Variants in NPIPB8 observed in about 807,000 individuals in gnomAD.
The protein encoded by NPIPB8 is nuclear pore complex-interacting protein family member B8.
Under a neutral mutation model 5.3 loss-of-function variants are expected in NPIPB8, and 3 were observed. The observed-to-expected ratio is 0.57, with a 90% CI of 0.26 to 1.47. The LOEUF is 1.47. NPIPB8 is among the 40% of genes most tolerant of loss of function. The pLI, the probability that NPIPB8 is intolerant of heterozygous loss-of-function variation, is 0.13. For synonymous variants in NPIPB8, 18 were observed against 23.0 expected, an observed-to-expected ratio of 0.78 and a Z score of 0.62; for missense variants, 50 against 50.2, an observed-to-expected ratio of 1.00 and a Z score of 0.01.
intron 2 of NPIPB8, among the ~76,000 whole-genome samples, 168 bp downstream of exon 2, chr16:28,638,648 T>A (rs527941577): frequency 6.6e-6 from 1 of 151,042 alleles, no homozygotes; most frequent in East Asian, 1.9e-4. Flanking sequence ...GGTAAAGTAG[T>A]TGACTTATTT....
At chr16:28,637,986 G>A (rs1054019232), upstream of NPIPB8, 40 of 858,358 alleles carry the variant, frequency 4.7e-5, no homozygotes, top group Non-Finnish European at 5.6e-5. Flanking sequence ...TTCAGGCACA[G>A]AACTGTATAT....
At chr16:28,641,411 G>A (rs2047894134) in intron 2 of NPIPB8, among the ~76,000 whole-genome samples, 1 of 144,442 alleles carries the variant, frequency 6.9e-6, no homozygotes, top group African/African-American at 2.5e-5. Context: ...TGCTCCAGTG[G>A]ATAACTCAGC....
intron 2 of NPIPB8, among the ~76,000 whole-genome samples, chr16:28,641,995 C>A (rs1334496625): frequency 6.7e-6 from 1 of 149,828 alleles, no homozygotes; most frequent in Admixed American, 6.7e-5. Flanking sequence ...CTCTAGCAAC[C>A]CTTCATGGAC....
chr16:28,638,505 G>C, intron 2 of NPIPB8, 25 bp downstream of exon 2: 2 of 1,541,442 alleles, frequency 1.3e-6, no homozygotes, highest in Non-Finnish European at 1.7e-6. Context: ...ACAAGATGGG[G>C]CCTGGTGCCC....
rs2151739409 is a variant in NPIPB8 at position 28,638,846 on chromosome 16, A to T, written c.120+366A>T. 2.0e-5 allele frequency among the ~76,000 whole-genome samples: 3 copies of T among 149,292 alleles called. No individual in the cohort carries two copies. In the South Asian group the frequency reaches 6.3e-4, roughly 31 times the overall value. On this transcript the variant is annotated intron_variant, in intron 2 of 7. Coordinates refer to ENST00000683297, the MANE Select transcript of NPIPB8 (RefSeq NM_001310136.2). The stretch of plus-strand genomic sequence containing the variant: ...CATTTTGGGAGGCTGAGGCTGGTGG[A>T]TCACCTGAGGCCAGGACTTCAAGAC...
chr16:28,639,093 A>C (rs2047845597), intron 2 of NPIPB8, among the ~76,000 whole-genome samples: 2 of 149,090 alleles, frequency 1.3e-5, no homozygotes, highest in Admixed American at 1.3e-4. Flanking sequence ...ATTATCCTGC[A>C]AAATTTGAAA....
upstream of NPIPB8, chr16:28,638,057 T>A (rs2047824011): frequency 2.9e-6 from 2 of 697,068 alleles, no homozygotes; most frequent in East Asian, 8.4e-5. Flanking sequence ...TTTAAATGAC[T>A]TGGATGTTTT....
intron 2 of NPIPB8, among the ~76,000 whole-genome samples, chr16:28,641,411 G>C (rs2047894134): frequency 6.9e-6 from 1 of 144,442 alleles, no homozygotes; most frequent in African/African-American, 2.5e-5. Context: ...TGCTCCAGTG[G>C]ATAACTCAGC....
At chr16:28,641,358 C>T (rs540124546) in intron 2 of NPIPB8, among the ~76,000 whole-genome samples, 46 of 149,406 alleles carry the variant, frequency 3.1e-4, no homozygotes, top group Admixed American at 2.8e-3. Flanking sequence ...ACACCTGCCA[C>T]CTCCGATGGA....
At chr16:28,642,472 T>C (rs2047917851) in intron 2 of NPIPB8, among the ~76,000 whole-genome samples, 1 of 150,488 alleles carries the variant, frequency 6.6e-6, no homozygotes, top group Non-Finnish European at 1.5e-5. Context: ...TAAACCCTGT[T>C]TTTTGTTTGT....
intron 5 of NPIPB8, among the ~76,000 whole-genome samples, 178 bp downstream of exon 5, chr16:28,652,542 A>T: frequency 1.1e-5 from 1 of 95,046 alleles, no homozygotes; most frequent in Non-Finnish European, 2.1e-5. Context: ...CCCTTCCTAC[A>T]TTCTTGTTTG....
At chr16:28,638,881 C>CA (rs1487812564) in intron 2 of NPIPB8, among the ~76,000 whole-genome samples, 1 of 148,608 alleles carries the variant, frequency 6.7e-6, no homozygotes, top group Non-Finnish European at 1.5e-5. Context: ...CCAGCCTGAC[C>CA]AATATGGCAA....
Position 28,638,631 on chromosome 16 carries a change from G to A in NPIPB8, c.120+151G>A, listed in dbSNP as rs551725147. Among the ~76,000 whole-genome samples the A allele has an allele frequency of 5.3e-5, 8 of 150,950 alleles. No individual in the cohort carries two copies. The East Asian group carries it at 1.5e-3, about 29-fold the overall frequency. On this transcript the variant is annotated intron_variant, in intron 2 of 7. Transcript: ENST00000683297. ...TTTTTCTTTCCATACAAGTGGCTTA[G>A]GGATGGGGTAAAGTAGTTGACTTAT...
rs2047856542 is a variant in NPIPB8, at chr16:28,639,524, T to C, written c.120+1044T>C. On this transcript the variant is annotated intron_variant, in intron 2 of 7. Transcript: ENST00000683297. Reference sequence around the variant, plus strand: ...CAGGCTGGAGTGCAATGGCACAATCTTGGCTCACTGCAACCTCCGTCTCCC... The same window carrying C: ...CAGGCTGGAGTGCAATGGCACAATCCTGGCTCACTGCAACCTCCGTCTCCC... 8.1e-5 allele frequency among the ~76,000 whole-genome samples: 11 copies of C among 136,196 alleles called. No individual in the cohort carries two copies. In the Admixed American group the frequency reaches 8.2e-4, roughly 10 times the overall value. 89.3% of individuals were successfully genotyped at this position (136,196 alleles called of 152,430 possible).
intron 2 of NPIPB8, among the ~76,000 whole-genome samples, chr16:28,641,462 C>T (rs1232336759): frequency 2.8e-5 from 4 of 143,106 alleles, no homozygotes; most frequent in Middle Eastern, 3.2e-3. Flanking sequence ...TGGACCTGCA[C>T]CCTGGGGACC....
At chr16:28,642,580 G>A (rs1301844362) in intron 2 of NPIPB8, among the ~76,000 whole-genome samples, 2 of 151,000 alleles carry the variant, frequency 1.3e-5, no homozygotes, top group Non-Finnish European at 3.0e-5. Flanking sequence ...TGCCTCCCGG[G>A]TTCAAACTAT....
intron 2 of NPIPB8, 95 bp downstream of exon 2, chr16:28,638,575 C>T (rs1596670523): frequency 7.0e-7 from 1 of 1,419,756 alleles, no homozygotes; most frequent in Middle Eastern, 2.4e-4. Flanking sequence ...CTGGGGGAAG[C>T]TTACGCAGTC....
intron 2 of NPIPB8, among the ~76,000 whole-genome samples, chr16:28,641,058 C>T (rs1424197810): frequency 5.3e-5 from 8 of 151,962 alleles, no homozygotes; most frequent in African/African-American, 1.7e-4. Flanking sequence ...ACTGACAGTG[C>T]CCCTGTGTCG....
rs545319424 is a variant in NPIPB8, at chr16:28,638,108, C to T, written c.-81C>T. ...TGAAACCTTGAGAGAAACTGAATGACGAATGAAACTATTGTTCCTGTTTCA... is the reference window on the plus strand; with the variant it reads ...TGAAACCTTGAGAGAAACTGAATGATGAATGAAACTATTGTTCCTGTTTCA... On this transcript the variant is annotated 5_prime_UTR_variant, in exon 1 of 8. The change creates a new upstream start codon in the 5' untranslated region. Transcript: ENST00000683297. 1.9e-4 allele frequency: 119 copies of T among 640,762 alleles called. No individual in the cohort carries two copies. Among genetic ancestry groups the T allele is most frequent in the Middle Eastern group, 4.6e-4 (1 of 2,174 alleles). 39.7% of individuals were successfully genotyped at this position (640,762 alleles called of 1,614,324 possible).
Sources: allele counts gnomAD v4.1 joint callset (sites outside exome capture counted in the v4.1 genomes callset), GRCh38; gene constraint gnomAD v4.1.1; transcripts MANE v1.5; gene names NCBI Gene and HGNC (gene_info 2026-07-23, HGNC 2026-07-21).